The following DCAF1 variants were observed in gnomAD, a reference collection of about 807,000 sequenced individuals.
DCAF1 encodes the protein DDB1- and CUL4-associated factor 1.
In DCAF1, 15 loss-of-function variants were observed where a neutral mutation model predicts 128.0. The observed-to-expected ratio is 0.12, with a 90% confidence interval of 0.08 to 0.18. The LOEUF is 0.18. Among genes scored for constraint, DCAF1 ranks in the 10% least tolerant of loss-of-function variants. DCAF1 has a pLI of 1.00. For missense variants in DCAF1, 988 were observed against 1,649.5 expected (o/e 0.60, Z 6.95); for synonymous variants, 610 against 603.0 (o/e 1.01, Z -0.17).
chr3:51,420,447 T>C lies in DCAF1; in HGVS notation c.2523A>G (p.Ser841=), dbSNP rs1477829564. The stretch of plus-strand genomic sequence containing the variant: ...GCTCTTTCTCAGGGAAGGAGATCCT[T>C]GACTGGGCAACAACATCTGCTTTCT... The part of the protein sequence containing the change: ...RLQKADVVAQ[S]RISFPEKELL... Residue 841 remains serine (S), a synonymous_variant, in exon 15 of 25, where the codon TCA becomes TCG. Transcript: ENST00000684031. This position sits in a 1 kb window ranked among gnomAD's most constrained non-coding sequence, Gnocchi z 6.5. 6.2e-7 allele frequency: 1 copy of C among 1,614,046 alleles called. No homozygotes were observed.
chr3:51,412,954 T>C, intron 22 of DCAF1, 39 bp downstream of exon 22: 1 of 1,609,778 alleles, frequency 6.2e-7, no homozygotes. Context: ...ATCCTAAACA[T>C]CAGAACAAAA....
At position 51,412,492 on chromosome 3, in the gene DCAF1, C is replaced by T. The variant is rs911085205; in HGVS notation, c.4111-12G>A. 6.2e-7 allele frequency: 1 copy of T among 1,613,714 alleles called. No homozygotes were observed. The highest frequency in any genetic ancestry group is 8.5e-7 in the Non-Finnish European group (1 of 1,179,804). On this transcript the variant is annotated splice_polypyrimidine_tract_variant and intron_variant, in intron 22 of 24. Transcript: ENST00000684031. ...ATGCTGCCTTGATTCTGAAATAGAA[C>T]ATCCAGTCCATAAGGAGCAGTTACT...
chr3:51,443,679 T>C (rs1416273967), intron 7 of DCAF1, 87 bp downstream of exon 7: 2 of 1,183,230 alleles, frequency 1.7e-6, no homozygotes, highest in African/African-American at 1.6e-5. Context: ...AGATAATCAA[T>C]ATGATCTACT....
At chr3:51,480,873 T>C (rs1706102262) in intron 3 of DCAF1, among the ~76,000 whole-genome samples, 1 of 152,128 alleles carries the variant, frequency 6.6e-6, no homozygotes, top group East Asian at 1.9e-4. Context: ...CTCACTAAAT[T>C]GTAAAATTCT....
intron 5 of DCAF1, 82 bp downstream of exon 5, chr3:51,466,721 A>G: frequency 7.0e-7 from 1 of 1,435,638 alleles, no homozygotes; most frequent in Non-Finnish European, 9.7e-7. Flanking sequence ...CCTTAGGAGA[A>G]GGCAAACTAT....
At chr3:51,444,957 G>A (rs1034640624) in intron 6 of DCAF1, among the ~76,000 whole-genome samples, 5 of 152,138 alleles carry the variant, frequency 3.3e-5, no homozygotes, top group Admixed American at 3.3e-4. Flanking sequence ...TTACAGGCAT[G>A]AGCCACCATG....
intron 5 of DCAF1, among the ~76,000 whole-genome samples, chr3:51,465,164 T>C (rs1704002487): frequency 6.6e-6 from 1 of 152,116 alleles, no homozygotes; most frequent in African/African-American, 2.4e-5. Context: ...AGAACAGAAC[T>C]GGAGGGATTT....
chr3:51,407,052 T>C (rs1332146753), intron 23 of DCAF1, among the ~76,000 whole-genome samples: 1 of 149,744 alleles, frequency 6.7e-6, no homozygotes, highest in African/African-American at 2.5e-5. Flanking sequence ...ATTAGTCGGG[T>C]GTGGTGGCAC....
intron 2 of DCAF1, among the ~76,000 whole-genome samples, chr3:51,489,755 C>A (rs1222350789): frequency 1.3e-5 from 2 of 150,766 alleles, no homozygotes; most frequent in Non-Finnish European, 2.9e-5. Flanking sequence ...CCAGTGCAAT[C>A]CAGCCTGGGT....
At chr3:51,473,852 G>A (rs1241791802) in intron 3 of DCAF1, among the ~76,000 whole-genome samples, 1 of 151,672 alleles carries the variant, frequency 6.6e-6, no homozygotes, top group Non-Finnish European at 1.5e-5. Context: ...CACCCAGGCT[G>A]GAGTGCAATG....
At chr3:51,434,029 C>A (rs1700606077) in intron 9 of DCAF1, among the ~76,000 whole-genome samples, 1 of 151,270 alleles carries the variant, frequency 6.6e-6, no homozygotes, top group African/African-American at 2.4e-5. Flanking sequence ...TTGCAGTGCA[C>A]CAAGATTGCA....
At chr3:51,418,230 C>T (rs1553631111) in intron 16 of DCAF1, 32 bp from the exon 17 acceptor site, 15 of 1,587,330 alleles carry the variant, frequency 9.4e-6, no homozygotes, top group African/African-American at 1.3e-5. Flanking sequence ...TGGGTAACCA[C>T]GTATTTACAT....
intron 6 of DCAF1, 22 bp from the exon 7 acceptor site, chr3:51,443,925 A>G (rs1222044973): frequency 9.7e-6 from 15 of 1,553,662 alleles, no homozygotes; most frequent in Non-Finnish European, 1.2e-5. Flanking sequence ...GAAATTAAAT[A>G]GTACATTTCG....
In DCAF1 at chr3:51,441,063, G is replaced by T; in HGVS notation, c.1035C>A (p.Pro345=). Residue 345 remains proline, a synonymous_variant, in exon 9 of 25, where the codon CCC becomes CCA. Coordinates refer to ENST00000684031, the MANE Select transcript of DCAF1 (RefSeq NM_001387579.1). ...CCCGTGATCCAAGTTGCATGAATAT[G>T]GGAAGTAGCTGAAATGAACACCAAA... ...TPLGEYQELL[P]IFMQLGSREL... The T allele has an allele frequency of 6.2e-7, 1 of 1,610,244 alleles. No homozygotes were observed. Among genetic ancestry groups the T allele is most frequent in the South Asian group, 1.1e-5 (1 of 90,080 alleles).
intron 2 of DCAF1, among the ~76,000 whole-genome samples, chr3:51,495,330 A>C (rs934007181): frequency 6.6e-6 from 1 of 151,470 alleles, no homozygotes; most frequent in Non-Finnish European, 1.5e-5. Context: ...ATCTCAAAAA[A>C]AATATTAAGA....
At chr3:51,467,419 T>C (rs565578033) in intron 4 of DCAF1, among the ~76,000 whole-genome samples, 1 of 152,150 alleles carries the variant, frequency 6.6e-6, no homozygotes, top group South Asian at 2.1e-4. Context: ...ACCAAACACC[T>C]GTTCTCACTC....
intron 13 of DCAF1, among the ~76,000 whole-genome samples, chr3:51,423,319 C>G (rs1297154375): frequency 6.6e-6 from 1 of 151,816 alleles, no homozygotes; most frequent in Non-Finnish European, 1.5e-5. Flanking sequence ...TGGCCAAACC[C>G]TGTCACTACT....
At position 51,434,886 on chromosome 3, in the gene DCAF1, C is replaced by T. The variant is rs973771282; in HGVS notation, c.1129-1622G>A. Among the ~76,000 whole-genome samples the T allele has an allele frequency of 2.6e-5, 4 of 152,230 alleles. No homozygotes were observed. In the East Asian group the frequency reaches 5.8e-4, roughly 22 times the overall value. ...GCTGCTTGATGACTCTGAACCTAGGCCAACATAGACAGGGCCTTGGGAAAG... is the reference window on the plus strand; with the variant it reads ...GCTGCTTGATGACTCTGAACCTAGGTCAACATAGACAGGGCCTTGGGAAAG... On this transcript the variant is annotated intron_variant, in intron 9 of 24. Transcript: ENST00000684031.
intron 7 of DCAF1, among the ~76,000 whole-genome samples, chr3:51,443,360 G>A (rs1289470925): frequency 2.6e-5 from 4 of 152,100 alleles, no homozygotes; most frequent in Admixed American, 2.6e-4. Context: ...GGAGGCCTAG[G>A]CAGGTGGATC....
Sources: gnomAD v4.1 joint callset for allele counts (sites outside exome capture counted in the v4.1 genomes callset) on GRCh38, gnomAD v4.1.1 for gene constraint, Gnocchi (gnomAD v3.1) non-coding constraint, MANE v1.5 for transcripts, NCBI Gene and HGNC (gene_info 2026-07-23, HGNC 2026-07-21) for gene names.